THSD4: variants seen among roughly 807,000 people sequenced by gnomAD.
THSD4 encodes the protein thrombospondin type 1 domain containing 4, also known as thrombospondin type-1 domain-containing protein 4.
A neutral mutation model predicts 119.0 loss-of-function variants in THSD4; 69 were observed. The ratio of observed to expected loss-of-function variants is 0.58; its 90% CI spans 0.48 to 0.71. THSD4 has a LOEUF of 0.71. THSD4 is among the 30% of genes least tolerant of loss of function. The pLI is 0.00. For missense variants in THSD4, 1,393 were observed against 1,391.1 expected, an observed-to-expected ratio of 1.00 and a Z score of -0.02; for synonymous variants, 524 against 540.4, an observed-to-expected ratio of 0.97 and a Z score of 0.42.
At chr15:71,377,898 A>ACC (rs1566961464) in intron 6 of THSD4, among the ~76,000 whole-genome samples, 2 of 86,860 alleles carry the variant, frequency 2.3e-5, no homozygotes, top group African/African-American at 9.5e-5. Context: ...ACACACACAC[A>ACC]CACACACACA....
chr15:71,381,690 TGAAAA>T, intron 6 of THSD4, among the ~76,000 whole-genome samples: 2 of 152,294 alleles, frequency 1.3e-5, no homozygotes, highest in Admixed American at 1.3e-4. Context: ...AATCAGCAAT[TGAAAA>T]GAAAATTTGG....
chr15:71,425,721 A>G (rs1338835487), intron 7 of THSD4, among the ~76,000 whole-genome samples: 1 of 152,240 alleles, frequency 6.6e-6, no homozygotes, highest in Non-Finnish European at 1.5e-5. Context: ...GTTTGAAATA[A>G]ATGTGTAAAT....
At chr15:71,727,569 TATATATATATATATATATACACACAC>T (rs1277526986) in intron 8 of THSD4, among the ~76,000 whole-genome samples, 22 of 29,876 alleles carry the variant, frequency 7.4e-4, no homozygotes, top group African/African-American at 2.4e-3. Flanking sequence ...TATATATATA[TATATATATATATATATATACACACAC>T]ACACACACAC....
chr15:71,124,840 C>G (rs941358790), intron 1 of THSD4, among the ~76,000 whole-genome samples: 1 of 151,822 alleles, frequency 6.6e-6, no homozygotes, highest in East Asian at 1.9e-4. Context: ...CCCAGGAGTT[C>G]GAGACCAGCC....
chr15:71,263,389 G>T (rs2044426206), intron 6 of THSD4, among the ~76,000 whole-genome samples: 1 of 147,994 alleles, frequency 6.8e-6, no homozygotes, highest in Non-Finnish European at 1.5e-5. Context: ...GGGCATTTAG[G>T]TTGATTCCAT....
At chr15:71,395,566 AC>A (rs2046438289) in intron 6 of THSD4, among the ~76,000 whole-genome samples, 3 of 152,078 alleles carry the variant, frequency 2.0e-5, no homozygotes, top group Non-Finnish European at 4.4e-5. Context: ...ACATAGTGAT[AC>A]CCCACCTCTA....
In THSD4 at chr15:71,672,587, C is replaced by G. The variant is rs1041297984; in HGVS notation, c.1357+11853C>G. Among the ~76,000 whole-genome samples the G allele has an allele frequency of 2.0e-5, 3 of 152,266 alleles. No individual in the cohort carries two copies. The East Asian group carries it at 5.8e-4, about 29-fold the overall frequency. On this transcript the variant is annotated intron_variant, in intron 8 of 17. Transcript: ENST00000261862. ...TGCCAGTTTTCGAAGGAAATGCTTCCAGTTTTTGCCCATTCAGTATGATAT... is the reference window on the plus strand; with the variant it reads ...TGCCAGTTTTCGAAGGAAATGCTTCGAGTTTTTGCCCATTCAGTATGATAT...
intron 7 of THSD4, among the ~76,000 whole-genome samples, chr15:71,588,394 AT>A (rs1226861451): frequency 2.0e-5 from 3 of 150,418 alleles, no homozygotes; most frequent in South Asian, 2.1e-4. Flanking sequence ...GCTTTTATTT[AT>A]TTTTTTTAAT....
intron 7 of THSD4, among the ~76,000 whole-genome samples, chr15:71,502,080 A>G (rs2048120412): frequency 6.6e-6 from 1 of 152,264 alleles, no homozygotes; most frequent in Non-Finnish European, 1.5e-5. Flanking sequence ...CTGATCTCAT[A>G]GAGAAATATT....
intron 6 of THSD4, among the ~76,000 whole-genome samples, chr15:71,340,749 G>A (rs956154494): frequency 2.6e-5 from 4 of 151,858 alleles, no homozygotes; most frequent in Non-Finnish European, 4.4e-5. Context: ...GAGATTACAG[G>A]TGCCCACCAC....
intron 7 of THSD4, among the ~76,000 whole-genome samples, chr15:71,659,534 C>T (rs1244877447): frequency 3.9e-5 from 6 of 152,096 alleles, no homozygotes; most frequent in African/African-American, 1.4e-4. Context: ...ACCTTAGCCT[C>T]CCTGAGTAGC....
At chr15:71,641,477 G>A (rs1430130867) in intron 7 of THSD4, among the ~76,000 whole-genome samples, 2 of 151,980 alleles carry the variant, frequency 1.3e-5, no homozygotes, top group Non-Finnish European at 2.9e-5. Context: ...GTACTGTGAG[G>A]AAGGCTTTCT....
intron 7 of THSD4, among the ~76,000 whole-genome samples, chr15:71,630,937 T>C (rs1053080881): frequency 6.6e-6 from 1 of 152,170 alleles, no homozygotes; most frequent in East Asian, 1.9e-4. Context: ...CTGTGCGTTG[T>C]AGGATGTTTA....
At chr15:71,166,234 A>G (rs2043294065) in intron 3 of THSD4, among the ~76,000 whole-genome samples, 1 of 152,082 alleles carries the variant, frequency 6.6e-6, no homozygotes, top group Non-Finnish European at 1.5e-5. Context: ...CAGCTGGCGT[A>G]TTGGTGCTGT....
At chr15:71,600,599 G>A (rs1003140807) in intron 7 of THSD4, among the ~76,000 whole-genome samples, 6 of 152,182 alleles carry the variant, frequency 3.9e-5, no homozygotes, top group African/African-American at 1.4e-4. Flanking sequence ...ATGTTATGCA[G>A]TGATGATGAT....
At chr15:71,261,104 T>C (rs1307900289) in intron 6 of THSD4, among the ~76,000 whole-genome samples, 1 of 152,170 alleles carries the variant, frequency 6.6e-6, no homozygotes, top group Non-Finnish European at 1.5e-5. Flanking sequence ...TGTAACCTTC[T>C]TTGGAAAGAG....
intron 6 of THSD4, among the ~76,000 whole-genome samples, chr15:71,336,731 G>T (rs2045493725): frequency 6.6e-6 from 1 of 152,036 alleles, no homozygotes; most frequent in Non-Finnish European, 1.5e-5. Context: ...CCCTTATTTG[G>T]CAATTTGGAT....
intron 8 of THSD4, among the ~76,000 whole-genome samples, chr15:71,667,443 T>C (rs1169664387): frequency 6.6e-6 from 1 of 152,228 alleles, no homozygotes; most frequent in African/African-American, 2.4e-5. Flanking sequence ...AAATTGATTA[T>C]ACAAGACATG....
intron 9 of THSD4, chr15:71,730,769 T>A (rs1279885322): frequency 8.1e-6 from 2 of 246,040 alleles, no homozygotes; most frequent in African/African-American, 4.4e-5. Context: ...TCTCCTGCAG[T>A]GTACACGTAT....
Sources: allele counts gnomAD v4.1 joint callset (sites outside exome capture counted in the v4.1 genomes callset), GRCh38; gene constraint gnomAD v4.1.1; transcripts MANE v1.5; gene names NCBI Gene and HGNC (gene_info 2026-07-23, HGNC 2026-07-21).